TRIT1: variants seen among roughly 807,000 people sequenced by gnomAD.
The protein encoded by TRIT1 is tRNA dimethylallyltransferase.
TRIT1 carries 43 observed loss-of-function variants against 51.2 expected under a neutral mutation model. The ratio of observed to expected loss-of-function variants is 0.84; its 90% confidence interval spans 0.66 to 1.08. The LOEUF (loss-of-function observed/expected upper bound fraction) is 1.08, where lower values mean the gene tolerates loss of function less well. Ranked by LOEUF, TRIT1 falls within the 50% of genes least tolerant of loss-of-function variation. The pLI, the probability that TRIT1 is intolerant of heterozygous loss-of-function variation, is 0.00. For synonymous variants in TRIT1, 184 were observed against 203.9 expected (o/e 0.90, Z 0.83); for missense variants, 528 against 578.4 (o/e 0.91, Z 0.89).
chr1:39,850,359 G>A, intron 4 of TRIT1, 98 bp from the exon 5 acceptor site: 1 of 1,453,930 alleles, frequency 6.9e-7, no homozygotes, highest in African/African-American at 1.4e-5. Context: ...GTTTATTACA[G>A]AAAGCCTCTT....
At chr1:39,846,340 A>G (rs546690015) in intron 8 of TRIT1, among the ~76,000 whole-genome samples, 1 of 152,356 alleles carries the variant, frequency 6.6e-6, no homozygotes, top group Non-Finnish European at 1.5e-5. Context: ...GTCTACCAGC[A>G]AAAGGTAAAC....
intron 1 of TRIT1, among the ~76,000 whole-genome samples, chr1:39,864,700 A>C (rs541772012): frequency 6.6e-6 from 1 of 151,864 alleles, no homozygotes; most frequent in Non-Finnish European, 1.5e-5. Flanking sequence ...TACTCCCCCC[A>C]GTTTTTTACG....
intron 1 of TRIT1, chr1:39,881,629 AACTG>A: frequency 6.6e-6 from 1 of 152,316 alleles, no homozygotes. Context: ...TTCCATCTGT[AACTG>A]ACTGTGAACA....
rs369626198 is a variant in TRIT1, at chr1:39,844,485, G to A, written c.1116+46C>T. On this transcript the variant is annotated intron_variant, in intron 9 of 10. Coordinates refer to ENST00000316891, the MANE Select transcript of TRIT1 (RefSeq NM_017646.6). ...GCAACAAAGGTGTCAGCTAATGAAAGTGCTCTGAAAACCAGAAAATAGAAT... is the reference window on the plus strand; with the variant it reads ...GCAACAAAGGTGTCAGCTAATGAAAATGCTCTGAAAACCAGAAAATAGAAT... 1.6e-3 allele frequency: 2,296 copies of A among 1,466,264 alleles called. 3 individuals are homozygous for A. Among genetic ancestry groups the A allele is most frequent in the Non-Finnish European group, 2.0e-3 (2,140 of 1,046,916 alleles). 90.8% of individuals were successfully genotyped at this position (1,466,264 alleles called of 1,614,324 possible). A position where few individuals can be genotyped will look rare whatever the true frequency, so the allele number is the denominator to read the frequency against.
chr1:39,867,557 AC>A (rs1364082939), intron 1 of TRIT1, among the ~76,000 whole-genome samples: 5 of 152,232 alleles, frequency 3.3e-5, no homozygotes, highest in African/African-American at 1.2e-4. Flanking sequence ...TTACATCTAA[AC>A]AAACATTAGG....
intron 1 of TRIT1, among the ~76,000 whole-genome samples, chr1:39,862,090 TAG>T (rs1177193093): frequency 6.6e-6 from 1 of 152,092 alleles, no homozygotes; most frequent in Non-Finnish European, 1.5e-5. Flanking sequence ...GTCAAATTCA[TAG>T]AGACACAAAG....
intron 10 of TRIT1, among the ~76,000 whole-genome samples, chr1:39,843,436 G>A (rs1168615245): frequency 3.3e-5 from 5 of 152,202 alleles, no homozygotes; most frequent in African/African-American, 1.2e-4. Flanking sequence ...TGTGTGCAGT[G>A]TGACTCTGTG....
intron 1 of TRIT1, among the ~76,000 whole-genome samples, chr1:39,878,843 C>A (rs572925251): frequency 1.3e-5 from 2 of 152,318 alleles, no homozygotes; most frequent in African/African-American, 4.8e-5. Context: ...CAGGTGGCTT[C>A]CAGTCAGCTC....
At chr1:39,871,914 GT>G (rs947968229) in intron 1 of TRIT1, among the ~76,000 whole-genome samples, 1 of 151,948 alleles carries the variant, frequency 6.6e-6, no homozygotes, top group South Asian at 2.1e-4. Flanking sequence ...TTTTAAAAAT[GT>G]TTTTTTGGGA....
At chr1:39,868,769 C>A (rs1451302163) in intron 1 of TRIT1, among the ~76,000 whole-genome samples, 2 of 151,392 alleles carry the variant, frequency 1.3e-5, no homozygotes, top group Non-Finnish European at 2.9e-5. Flanking sequence ...TGAAAAGAAG[C>A]TCAACACTGG....
Position 39,883,309 on chromosome 1 carries a change from C to A in TRIT1, c.174+9G>T. ...TCCCCAGGCGCCCGGGCCAGCCGCA[C>A]TGCCATACCTGCATGGAGTCAGCGC... On this transcript the variant is annotated intron_variant, in intron 1 of 10. Transcript: ENST00000316891. 6.2e-7 allele frequency: 1 copy of A among 1,600,444 alleles called. No homozygotes were observed. Among genetic ancestry groups the A allele is most frequent in the Non-Finnish European group, 8.5e-7 (1 of 1,174,032 alleles).
Position 39,883,312 on chromosome 1 carries a change from C to T in TRIT1, c.174+6G>A, listed in dbSNP as rs1400280123. The T allele has an allele frequency of 6.2e-7, 1 of 1,602,888 alleles. No individual in the cohort carries two copies. The highest frequency in any genetic ancestry group is 8.5e-7 in the Non-Finnish European group (1 of 1,175,408). On this transcript the variant is annotated splice_donor_region_variant and intron_variant, in intron 1 of 10. Transcript: ENST00000316891. ...CCAGGCGCCCGGGCCAGCCGCACTGCCATACCTGCATGGAGTCAGCGCTGA... is the reference window on the plus strand; with the variant it reads ...CCAGGCGCCCGGGCCAGCCGCACTGTCATACCTGCATGGAGTCAGCGCTGA...
intron 2 of TRIT1, among the ~76,000 whole-genome samples, chr1:39,855,929 G>C (rs928545963): frequency 1.3e-5 from 2 of 152,178 alleles, no homozygotes; most frequent in African/African-American, 4.8e-5. Context: ...TGTAATTCCA[G>C]CACTTTGGGA....
Position 39,857,277 on chromosome 1 carries a change from C to A in TRIT1, c.315G>T (p.Leu105=). 2 of 1,607,620 alleles carry A rather than the reference C, an allele frequency of 1.2e-6. No homozygotes were observed. Among genetic ancestry groups the A allele is most frequent in the Non-Finnish European group, 8.5e-7 (1 of 1,176,412 alleles). ...CAGCTGCTGCCTTTCCTAAGGATAT[C>A]AGAGCAGTTGCTCTATTTCTGAAGT... ...VVDFRNRATA[L]IEDIFARDKI... is the part of the protein sequence containing the mutation. The change falls in exon 2 of 11, where the codon CTG becomes CTT. Residue 105 remains leucine (L), a splice_region_variant and synonymous_variant. Transcript: ENST00000316891.
intron 8 of TRIT1, among the ~76,000 whole-genome samples, chr1:39,845,896 C>T (rs1439234627): frequency 3.9e-5 from 6 of 152,160 alleles, no homozygotes; most frequent in African/African-American, 1.4e-4. Flanking sequence ...CCGGCATACA[C>T]ACGAATGAGG....
intron 5 of TRIT1, among the ~76,000 whole-genome samples, chr1:39,848,681 G>A (rs995347847): frequency 3.3e-5 from 5 of 151,546 alleles, no homozygotes; most frequent in African/African-American, 1.2e-4. Context: ...AAATTAGCTG[G>A]GCGTAGTGGC....
At chr1:39,870,358 G>C (rs1398793739) in intron 1 of TRIT1, among the ~76,000 whole-genome samples, 1 of 151,850 alleles carries the variant, frequency 6.6e-6, no homozygotes, top group Non-Finnish European at 1.5e-5. Flanking sequence ...AAGTACCCAG[G>C]GACACAAACA....
intron 1 of TRIT1, among the ~76,000 whole-genome samples, chr1:39,864,084 C>T (rs1043369144): frequency 1.2e-4 from 18 of 152,066 alleles, no homozygotes; most frequent in Admixed American, 1.2e-3. Flanking sequence ...CGGGGTTTTG[C>T]TATGTTGGCC....
In TRIT1 at chr1:39,840,828, AGAAAGAGG is replaced by A. The variant is rs1238387637; in HGVS notation, c.*908_*915del. Among the ~76,000 whole-genome samples, 1 of 152,238 alleles carries A rather than the reference AGAAAGAGG, an allele frequency of 6.6e-6. No individual in the cohort carries two copies. Among genetic ancestry groups the A allele is most frequent in the Non-Finnish European group, 1.5e-5 (1 of 68,044 alleles). ...CATTGCTGGCAGCTCAGGTCACTCC[AGAAAGAGG>A]GCTTCAATTGGAAGTAATAGATCTC... On this transcript the variant is annotated 3_prime_UTR_variant, in exon 11 of 11. Transcript: ENST00000316891.
Sources: gnomAD v4.1 joint callset for allele counts (sites outside exome capture counted in the v4.1 genomes callset) on GRCh38, gnomAD v4.1.1 for gene constraint, MANE v1.5 for transcripts, NCBI Gene and HGNC (gene_info 2026-07-23, HGNC 2026-07-21) for gene names.